The following EMG1 variants were observed in gnomAD, a reference collection of about 807,000 sequenced individuals.
EMG1 encodes EMG1 N1-specific pseudouridine methyltransferase, also known as ribosomal RNA small subunit methyltransferase NEP1.
EMG1 carries 24 observed loss-of-function variants against 26.9 expected under a neutral mutation model. The ratio of observed to expected loss-of-function variants is 0.89; its 90% CI spans 0.65 to 1.26. EMG1 has a LOEUF of 1.26. EMG1 is among the 50% of genes most tolerant of loss of function. EMG1 has a pLI of 0.00. For synonymous variants in EMG1, 140 were observed against 112.6 expected (o/e 1.24, Z -1.54); for missense variants, 299 against 307.6 (o/e 0.97, Z 0.21).
chr12:6,996,476 C>G (rs1555156039), intron 7 of EMG1, among the ~76,000 whole-genome samples: 1 of 152,096 alleles, frequency 6.6e-6, no homozygotes, highest in Admixed American at 6.6e-5. Flanking sequence ...TCTTACTTTT[C>G]AGTCTTTCAA....
At chr12:6,990,015 A>G (rs1310750842), downstream of EMG1, among the ~76,000 whole-genome samples, 4 of 151,696 alleles carry the variant, frequency 2.6e-5, no homozygotes, top group Non-Finnish European at 4.4e-5. Context: ...TCTACAAAAA[A>G]TAAAAAAAAT....
chr12:6,973,252 C>CT (rs1447413665), intron 1 of EMG1, among the ~76,000 whole-genome samples: 1 of 152,098 alleles, frequency 6.6e-6, no homozygotes, highest in East Asian at 1.9e-4. Flanking sequence ...ACTGCAATCT[C>CT]TGTCTCCTGG....
In EMG1 at chr12:6,987,427, A is replaced by G. The variant is rs868990458; in HGVS notation, c.*155-355A>G. On this transcript the variant is annotated intron_variant and NMD_transcript_variant, in intron 6 of 7. Transcript: ENST00000261406. The surrounding 1 kb of genome is among the most constrained non-coding windows in gnomAD (Gnocchi z 4.1). ...ACCCTTTCAGGTAGATCAATGAGCA[A>G]GGAAATAGGATCAAGTCTCATATAT... Among the ~76,000 whole-genome samples, 1 of 152,238 alleles carries G rather than the reference A, an allele frequency of 6.6e-6. No homozygotes were observed. The highest frequency in any genetic ancestry group is 1.5e-5 in the Non-Finnish European group (1 of 68,036).
Position 6,979,891 on chromosome 12 carries a change from A to T in EMG1, c.*4082A>T, listed in dbSNP as rs781953593. 9 of 312,672 alleles carry T rather than the reference A, an allele frequency of 2.9e-5. No homozygotes were observed. Among genetic ancestry groups the T allele is most frequent in the Non-Finnish European group, 4.7e-5 (8 of 169,472 alleles). The allele number at this position is 312,672 out of a possible 1,614,324, so 19.4% of individuals were successfully genotyped here. On this transcript the variant is annotated 3_prime_UTR_variant, in exon 6 of 6. Coordinates refer to ENST00000599672, the MANE Select transcript of EMG1 (RefSeq NM_006331.8). ...GCCAGGTCTCACAATCTCCATTGGG[A>T]CTGAAAACCCAGTGGAGGTAAGATA...
chr12:6,977,850 G>A lies in EMG1; in HGVS notation c.*2041G>A. The A allele has an allele frequency of 7.4e-7, 1 of 1,343,454 alleles. No homozygotes were observed. Among genetic ancestry groups the A allele is most frequent in the South Asian group, 1.3e-5 (1 of 78,238 alleles). 83.2% of individuals were successfully genotyped at this position (1,343,454 alleles called of 1,614,324 possible). ...GAGGATTGGATTGGAGTGCTGGTGG[G>A]TTCCCACGTGTAGCCCCCAGAGGGT... is the stretch of plus-strand genomic sequence containing the variant. On this transcript the variant is annotated 3_prime_UTR_variant, in exon 6 of 6. Transcript: ENST00000599672. The surrounding 1 kb of genome is among the most constrained non-coding windows in gnomAD (Gnocchi z 4.5).
intron 6 of EMG1, among the ~76,000 whole-genome samples, chr12:6,985,153 A>G (rs1591548597): frequency 1.4e-5 from 2 of 146,894 alleles, no homozygotes; most frequent in East Asian, 4.1e-4. Context: ...GCACTATGGG[A>G]GGCTGAGACG....
downstream of EMG1, chr12:6,982,902 A>G: frequency 1.5e-6 from 1 of 686,798 alleles, no homozygotes; most frequent in Non-Finnish European, 2.6e-6. Context: ...TTTCAGAATA[A>G]CCTCATGTTT....
Position 6,979,792 on chromosome 12 carries a change from A to C in EMG1, c.*3983A>C, listed in dbSNP as rs1555153840. The C allele has an allele frequency of 3.5e-6, 2 of 577,572 alleles. No individual in the cohort carries two copies. Among genetic ancestry groups the C allele is most frequent in the Admixed American group, 6.1e-5 (2 of 32,800 alleles). The allele number at this position is 577,572 out of a possible 1,614,324, so 35.8% of individuals were successfully genotyped here. ...GGACTGCAAACCTCTTAAGAGTTGTAGGAAAGTCAGGGCAGCAGACAGTGG... is the reference window on the plus strand; with the variant it reads ...GGACTGCAAACCTCTTAAGAGTTGTCGGAAAGTCAGGGCAGCAGACAGTGG... On this transcript the variant is annotated 3_prime_UTR_variant, in exon 6 of 6. Coordinates refer to ENST00000599672, the MANE Select transcript of EMG1 (RefSeq NM_006331.8).
chr12:6,984,438 G>A (rs1555154554), downstream of EMG1, among the ~76,000 whole-genome samples: 1 of 152,192 alleles, frequency 6.6e-6, no homozygotes. Flanking sequence ...GAGGTCTGGC[G>A]GCCATGCCTG....
chr12:6,978,618 G>T lies in EMG1; in HGVS notation c.*2809G>T, dbSNP rs370471911. 2.5e-6 allele frequency: 4 copies of T among 1,614,050 alleles called. No individual in the cohort carries two copies. The highest frequency in any genetic ancestry group is 3.4e-6 in the Non-Finnish European group (4 of 1,180,032). On this transcript the variant is annotated 3_prime_UTR_variant, in exon 6 of 6. Coordinates refer to ENST00000599672, the MANE Select transcript of EMG1 (RefSeq NM_006331.8). ...TTCTACTTACTGTGACCAGCCAACA[G>T]GTGACATATTTGTACAGCACAAACT...
At chr12:6,990,209 T>A (rs1387193009), downstream of EMG1, among the ~76,000 whole-genome samples, 17 of 140,582 alleles carry the variant, frequency 1.2e-4, 1 homozygote, top group Admixed American at 1.1e-3. Flanking sequence ...AATAAATAAA[T>A]AAAAATAAAA....
chr12:6,971,274 C>CTTT lies in EMG1; in HGVS notation c.168+198_168+200dup, dbSNP rs34818013. ...GGGATGGTAGTACTCATTTTTCTTT[C>CTTT]TTTTTTTTTTTTTTTTTGAGACGGA... is the stretch of plus-strand genomic sequence containing the variant. On this transcript the variant is annotated intron_variant, in intron 1 of 5. Transcript: ENST00000599672. 5.7e-4 allele frequency among the ~76,000 whole-genome samples: 77 copies of CTTT among 135,470 alleles called. 1 individual carries two copies. Among genetic ancestry groups the CTTT allele is most frequent in the African/African-American group, 1.9e-3 (67 of 35,436 alleles). 88.9% of individuals were successfully genotyped at this position (135,470 alleles called of 152,430 possible). A position where few individuals can be genotyped will look rare whatever the true frequency, so the allele number is the denominator to read the frequency against.
chr12:6,981,804 C>G, downstream of EMG1: 6 of 1,609,096 alleles, frequency 3.7e-6, no homozygotes, highest in Non-Finnish European at 5.1e-6. Flanking sequence ...CAGTGACCAT[C>G]ACTCACCAAT....
Position 6,977,385 on chromosome 12 carries a change from C to G in EMG1, c.*1576C>G, listed in dbSNP as rs146704427. On this transcript the variant is annotated 3_prime_UTR_variant, in exon 6 of 6. Transcript: ENST00000599672. The surrounding 1 kb of genome is among the most constrained non-coding windows in gnomAD (Gnocchi z 4.5). ...CACTTGCCTTAAGCCATTTGTCCCA[C>G]GTGAAGAGGCAGAAGGCAGTCATGG... is the stretch of plus-strand genomic sequence containing the variant. The G allele has an allele frequency of 4.3e-4, 693 of 1,614,170 alleles. No individual in the cohort carries two copies. The highest frequency in any genetic ancestry group is 1.0e-3 in the Admixed American group (61 of 60,024).
At chr12:6,973,629 G>A (rs2138319458) in intron 1 of EMG1, among the ~76,000 whole-genome samples, 1 of 152,142 alleles carries the variant, frequency 6.6e-6, no homozygotes, top group South Asian at 2.1e-4. Context: ...TGCAAGCTCC[G>A]CCTCCTGGGT....
Position 6,978,239 on chromosome 12 carries a change from T to C in EMG1, c.*2430T>C, listed in dbSNP as rs782143300. The C allele has an allele frequency of 8.4e-5, 116 of 1,375,496 alleles. No individual in the cohort carries two copies. Among genetic ancestry groups the C allele is most frequent in the Non-Finnish European group, 1.1e-4 (112 of 1,008,804 alleles). 85.2% of individuals were successfully genotyped at this position (1,375,496 alleles called of 1,614,324 possible). ...TGAGCGACAGGGGGTTCTGCCCAGA[T>C]GGGAAAGACGCATAGGGGTGACATG... On this transcript the variant is annotated 3_prime_UTR_variant, in exon 6 of 6. Coordinates refer to ENST00000599672, the MANE Select transcript of EMG1 (RefSeq NM_006331.8).
chr12:6,971,701 C>T (rs1313032138), intron 1 of EMG1, among the ~76,000 whole-genome samples: 3 of 152,228 alleles, frequency 2.0e-5, no homozygotes, highest in Non-Finnish European at 4.4e-5. Flanking sequence ...TTCCTTGCGT[C>T]ATTCCACATC....
chr12:6,979,523 G>A lies in EMG1; in HGVS notation c.*3714G>A. The A allele has an allele frequency of 1.2e-6, 2 of 1,614,192 alleles. No individual in the cohort carries two copies. Among genetic ancestry groups the A allele is most frequent in the Non-Finnish European group, 1.7e-6 (2 of 1,179,998 alleles). On this transcript the variant is annotated 3_prime_UTR_variant, in exon 6 of 6. Transcript: ENST00000599672. ...TTCTGTGATGTGGGGGCTGAGCAGT[G>A]TGTAGCCCACTAGGTAGAAAAGGCC...
At chr12:6,989,867 G>C (rs1226718491), downstream of EMG1, among the ~76,000 whole-genome samples, 1 of 152,108 alleles carries the variant, frequency 6.6e-6, no homozygotes, top group Non-Finnish European at 1.5e-5. Context: ...GAAATGGACT[G>C]TTTCCATTAA....
Sources: allele counts gnomAD v4.1 joint callset (sites outside exome capture counted in the v4.1 genomes callset), GRCh38; gene constraint gnomAD v4.1.1; non-coding constraint Gnocchi (gnomAD v3.1); transcripts MANE v1.5; gene names NCBI Gene and HGNC (gene_info 2026-07-23, HGNC 2026-07-21).